Variants in XPO4 observed in about 807,000 individuals in gnomAD.
XPO4 encodes exportin-4.
Under a neutral mutation model 143.0 loss-of-function variants are expected in XPO4, and 39 were observed. The observed-to-expected ratio is 0.27, with a 90% CI of 0.21 to 0.36. The LOEUF (loss-of-function observed/expected upper bound fraction) is 0.36. XPO4 is among the 10% of genes least tolerant of loss of function. The probability of loss-of-function intolerance (pLI) is 1.00; values close to 1 mark genes in which losing one functional copy is unlikely to be tolerated. For synonymous variants in XPO4, 439 were observed against 474.0 expected (o/e 0.93, Z 0.96); for missense variants, 907 against 1,348.0 (o/e 0.67, Z 5.12).
At chr13:20,819,113 G>A (rs77072232) in intron 9 of XPO4, among the ~76,000 whole-genome samples, 3,125 of 152,266 alleles carry the variant, frequency 0.021, 85 homozygotes, top group Middle Eastern at 0.075. Flanking sequence ...GTGAGCCACT[G>A]AGCCCGGCCT....
intron 1 of XPO4, among the ~76,000 whole-genome samples, chr13:20,871,103 C>T (rs753723957): frequency 1.3e-5 from 2 of 152,140 alleles, no homozygotes; most frequent in Non-Finnish European, 2.9e-5. Context: ...CCATCGTGCC[C>T]GGCCAATTTT....
At chr13:20,848,111 TTTGTTG>T (rs56866348) in intron 4 of XPO4, 41 of 436,272 alleles carry the variant, frequency 9.4e-5, no homozygotes, top group Non-Finnish European at 1.2e-4. Context: ...TCAATCATCC[TTTGTTG>T]TTGTCTATCA....
At chr13:20,886,013 G>A (rs943644512) in intron 1 of XPO4, among the ~76,000 whole-genome samples, 14 of 152,142 alleles carry the variant, frequency 9.2e-5, no homozygotes, top group Non-Finnish European at 1.9e-4. Context: ...ATACACTAGA[G>A]TGGAAGATTA....
chr13:20,898,981 AAC>A (rs2060594475), intron 1 of XPO4, among the ~76,000 whole-genome samples: 1 of 152,178 alleles, frequency 6.6e-6, no homozygotes, highest in Admixed American at 6.6e-5. Context: ...CAGCCTGGGC[AAC>A]ACAGTGAGAT....
chr13:20,800,425 G>GTAGTGCTTACTTCACATCAACTTTAC, intron 14 of XPO4, 100 bp from the exon 15 acceptor site: 3 of 1,147,604 alleles, frequency 2.6e-6, no homozygotes, highest in Non-Finnish European at 2.4e-6. Flanking sequence ...CTAATCTGAA[G>GTAGTGCTTACTTCACATCAACTTTAC]TAGTGCTTAC....
At chr13:20,872,586 AAGG>A (rs2060309782) in intron 1 of XPO4, among the ~76,000 whole-genome samples, 2 of 152,320 alleles carry the variant, frequency 1.3e-5, no homozygotes, top group African/African-American at 4.8e-5. Flanking sequence ...GAAAGACAGG[AAGG>A]AGGAGGGAAG....
chr13:20,815,896 G>A (rs1332276568), intron 9 of XPO4, among the ~76,000 whole-genome samples: 1 of 152,146 alleles, frequency 6.6e-6, no homozygotes, highest in East Asian at 1.9e-4. Flanking sequence ...AGCAGCATCT[G>A]CTTATAGACT....
intron 4 of XPO4, chr13:20,851,488 T>C: frequency 1.1e-6 from 1 of 944,412 alleles, no homozygotes; most frequent in Non-Finnish European, 1.3e-6. Flanking sequence ...GTGGGCAGAT[T>C]GCTTGAGCCT....
intron 10 of XPO4, 113 bp downstream of exon 10, chr13:20,809,678 C>A: frequency 8.1e-7 from 1 of 1,233,772 alleles, no homozygotes; most frequent in Non-Finnish European, 1.1e-6. Flanking sequence ...TTGCTCCCAG[C>A]AAATCTTCTG....
At chr13:20,850,746 T>C (rs894456387) in intron 4 of XPO4, 18 of 959,312 alleles carry the variant, frequency 1.9e-5, no homozygotes, top group East Asian at 2.3e-4. Context: ...GCCCAGGCGA[T>C]AGAGCGAGGC....
intron 6 of XPO4, among the ~76,000 whole-genome samples, chr13:20,835,518 A>C (rs1304888105): frequency 6.6e-6 from 1 of 152,072 alleles, no homozygotes; most frequent in East Asian, 1.9e-4. Flanking sequence ...CTATCTCAAC[A>C]TCTATGTCAT....
intron 4 of XPO4, among the ~76,000 whole-genome samples, chr13:20,847,884 ATTAAG>A (rs1369330625): frequency 1.3e-5 from 2 of 152,270 alleles, no homozygotes; most frequent in African/African-American, 4.8e-5. Flanking sequence ...ATCATGAAGA[ATTAAG>A]TTAATATGTT....
intron 6 of XPO4, among the ~76,000 whole-genome samples, chr13:20,837,494 C>T (rs975014485): frequency 1.3e-5 from 2 of 152,022 alleles, no homozygotes; most frequent in African/African-American, 2.4e-5. Flanking sequence ...CCACCTCTGA[C>T]CGCCGGGTTC....
Position 20,796,130 on chromosome 13 carries a change from T to C in XPO4, c.2743A>G (p.Met915Val). ...GACAGCAGGTTAGTAAGAAGTTCCA[T>C]AATGAGAAGCAGGTCTTGGTATTGC... ...EEQYQDLLLI[M>V]ELLTNLLSKE... The change falls in exon 18 of 23, where the codon ATG (methionine) becomes GTG (valine). Residue 915 changes from methionine to valine, a missense_variant. By Grantham distance (21) the Met-to-Val change is conservative. Coordinates refer to ENST00000255305, the MANE Select transcript of XPO4 (RefSeq NM_022459.5). 1 of 1,613,946 alleles carries C rather than the reference T, an allele frequency of 6.2e-7. No homozygotes were observed. Among genetic ancestry groups the C allele is most frequent in the Non-Finnish European group, 8.5e-7 (1 of 1,179,952 alleles).
intron 9 of XPO4, among the ~76,000 whole-genome samples, chr13:20,820,089 T>A (rs1294088949): frequency 6.6e-6 from 1 of 152,178 alleles, no homozygotes; most frequent in African/African-American, 2.4e-5. Context: ...AACAGCTCAA[T>A]TAAAAATTAA....
At position 20,857,066 on chromosome 13, in the gene XPO4, A is replaced by G. The variant is rs189951447; in HGVS notation, c.318-1301T>C. The G allele has an allele frequency of 4.7e-3, 945 of 200,648 alleles. 6 individuals are homozygous for G. Among genetic ancestry groups the G allele is most frequent in the Non-Finnish European group, 6.9e-3 (781 of 112,386 alleles). 12.4% of individuals were successfully genotyped at this position (200,648 alleles called of 1,614,324 possible). A position where few individuals can be genotyped will look rare whatever the true frequency, so the allele number is the denominator to read the frequency against. ...ATCGTCAAGACTGAAGTGAAAAAAC[A>G]TTCCTTCAAAACATACACTTGAACC... On this transcript the variant is annotated intron_variant, in intron 3 of 22. Coordinates refer to ENST00000255305, the MANE Select transcript of XPO4 (RefSeq NM_022459.5).
At chr13:20,791,140 C>A (rs2059274927) in intron 18 of XPO4, among the ~76,000 whole-genome samples, 1 of 151,626 alleles carries the variant, frequency 6.6e-6, no homozygotes, top group African/African-American at 2.4e-5. Context: ...AATGAGAATA[C>A]TAAGACCTAA....
intron 13 of XPO4, among the ~76,000 whole-genome samples, chr13:20,805,899 T>C (rs1324400974): frequency 6.6e-6 from 1 of 152,144 alleles, no homozygotes; most frequent in African/African-American, 2.4e-5. Flanking sequence ...TTCATATTAA[T>C]TCTTTGGATT....
At chr13:20,895,679 T>C (rs1158077898) in intron 1 of XPO4, among the ~76,000 whole-genome samples, 1 of 152,102 alleles carries the variant, frequency 6.6e-6, no homozygotes, top group Non-Finnish European at 1.5e-5. Flanking sequence ...TCCGTTTCTA[T>C]GCATATACAA....
Sources: allele counts gnomAD v4.1 joint callset (sites outside exome capture counted in the v4.1 genomes callset), GRCh38; gene constraint gnomAD v4.1.1; transcripts MANE v1.5; gene names NCBI Gene and HGNC (gene_info 2026-07-23, HGNC 2026-07-21).